DNAH8: variants seen among roughly 807,000 people sequenced by gnomAD.
DNAH8 encodes axonemal beta dynein heavy chain 8.
DNAH8 carries 382 observed loss-of-function variants against 562.1 expected under a neutral mutation model. That is an observed-to-expected ratio of 0.68 (90% CI 0.63 to 0.74). The LOEUF (loss-of-function observed/expected upper bound fraction) is 0.74. Ranked by LOEUF, DNAH8 falls within the 30% of genes least tolerant of loss-of-function variation. DNAH8 has a pLI of 0.00. For missense variants in DNAH8, 5,203 were observed against 5,620.4 expected, an observed-to-expected ratio of 0.93 and a Z score of 2.37; for synonymous variants, 1,881 against 1,919.4, an observed-to-expected ratio of 0.98 and a Z score of 0.52.
chr6:38,792,240 A>C (rs1769827803), intron 21 of DNAH8, among the ~76,000 whole-genome samples: 1 of 152,130 alleles, frequency 6.6e-6, no homozygotes, highest in Non-Finnish European at 1.5e-5. Context: ...GGCCTGTACC[A>C]GCACACCCGG....
chr6:38,822,928 T>C lies in DNAH8; in HGVS notation c.3614T>C (p.Leu1205Pro). 6.2e-7 allele frequency: 1 copy of C among 1,613,744 alleles called. No homozygotes were observed. Among genetic ancestry groups the C allele is most frequent in the Non-Finnish European group, 8.5e-7 (1 of 1,179,870 alleles). Residue 1205 changes from leucine (L) to proline (P), a missense_variant, in exon 27 of 93, where the codon CTC becomes CCC. Coordinates refer to ENST00000327475, the MANE Select transcript of DNAH8 (RefSeq NM_001206927.2). ...AAGGATATTTCTAAGTTGGTCCTGCTCCTTTCTTCCTCTGTAAATTCCCTA... is the reference window on the plus strand; with the variant it reads ...AAGGATATTTCTAAGTTGGTCCTGCCCCTTTCTTCCTCTGTAAATTCCCTA... ...EHKDISKLVLLLSSSVNSLRK... is the reference protein window; with the variant it reads ...EHKDISKLVLPLSSSVNSLRK...
intron 57 of DNAH8, among the ~76,000 whole-genome samples, chr6:38,887,897 C>T (rs551602582): frequency 4.4e-4 from 56 of 126,722 alleles, no homozygotes; most frequent in Middle Eastern, 7.0e-3. Context: ...AGTGCAGTGG[C>T]GCGATCTCAG....
At chr6:38,847,629 A>C (rs1410993878) in intron 36 of DNAH8, among the ~76,000 whole-genome samples, 1 of 152,062 alleles carries the variant, frequency 6.6e-6, no homozygotes, top group Non-Finnish European at 1.5e-5. Context: ...CCGTACCCAG[A>C]AAAAACCCCA....
chr6:38,883,286 G>A (rs2150467274), intron 54 of DNAH8, 36 bp from the exon 55 acceptor site: 4 of 1,566,468 alleles, frequency 2.6e-6, no homozygotes, highest in East Asian at 4.6e-5. Context: ...TAAATAAGTT[G>A]TAACACATTT....
chr6:38,920,925 C>G (rs980518872), intron 70 of DNAH8, among the ~76,000 whole-genome samples: 1 of 152,168 alleles, frequency 6.6e-6, no homozygotes, highest in Admixed American at 6.5e-5. Context: ...GGGTCTCACT[C>G]TGTCGCCCAG....
chr6:38,957,061 A>G (rs1184875347), intron 82 of DNAH8, among the ~76,000 whole-genome samples: 3 of 152,328 alleles, frequency 2.0e-5, no homozygotes, highest in Middle Eastern at 3.4e-3. Flanking sequence ...ACCTGGAAGG[A>G]TACACACAGA....
In DNAH8 at chr6:38,783,003, G is replaced by A. The variant is rs1175745110; in HGVS notation, c.2260-1G>A. 1.2e-6 allele frequency: 2 copies of A among 1,609,604 alleles called. No homozygotes were observed. On this transcript the variant is annotated splice_acceptor_variant, in intron 16 of 92. Transcript: ENST00000327475. LOFTEE classifies it high-confidence loss of function. ...GTAAATCTTTTCCCTTAAAAAAACA[G>A]AAAAACTCAGACATTTTATCAAGTC...
At chr6:38,717,574 T>C (rs1762435090) in intron 1 of DNAH8, among the ~76,000 whole-genome samples, 6 of 151,638 alleles carry the variant, frequency 4.0e-5, no homozygotes, top group Admixed American at 3.9e-4. Flanking sequence ...CAGGAGTTTG[T>C]ATGTTACAGT....
chr6:38,949,824 C>T (rs112590671), intron 81 of DNAH8, among the ~76,000 whole-genome samples: 106 of 152,072 alleles, frequency 7.0e-4, no homozygotes, highest in African/African-American at 2.2e-3. Context: ...ATTTTGACAA[C>T]GTATTAATGA....
intron 62 of DNAH8, among the ~76,000 whole-genome samples, chr6:38,905,516 A>C (rs1298582728): frequency 6.6e-6 from 1 of 152,170 alleles, no homozygotes; most frequent in Admixed American, 6.5e-5. Context: ...ACAATTTATG[A>C]CTAATTTTAT....
chr6:38,983,673 T>G (rs1764181354), intron 86 of DNAH8, among the ~76,000 whole-genome samples: 1 of 152,230 alleles, frequency 6.6e-6, no homozygotes, highest in Non-Finnish European at 1.5e-5. Context: ...AAAATTGCTA[T>G]AGAAATTAAT....
chr6:38,934,454 C>A (rs138858289), intron 76 of DNAH8, among the ~76,000 whole-genome samples: 10 of 152,104 alleles, frequency 6.6e-5, no homozygotes, highest in African/African-American at 2.4e-4. Context: ...GAAGGCTGTG[C>A]CATGGCTTTT....
At chr6:38,853,494 C>G (rs1477996695) in intron 41 of DNAH8, 147 bp downstream of exon 41, 1 of 827,042 alleles carries the variant, frequency 1.2e-6, no homozygotes, top group Admixed American at 3.1e-5. Context: ...TTAGCCTCAG[C>G]TCCCAACCAC....
intron 38 of DNAH8, 61 bp downstream of exon 38, chr6:38,850,475 T>A: frequency 1.4e-6 from 2 of 1,456,508 alleles, no homozygotes; most frequent in Non-Finnish European, 9.5e-7. Flanking sequence ...TATCCCAAAC[T>A]TACTAGTATT....
intron 88 of DNAH8, among the ~76,000 whole-genome samples, chr6:38,996,519 C>G (rs1765142029): frequency 6.6e-6 from 1 of 152,178 alleles, no homozygotes; most frequent in Non-Finnish European, 1.5e-5. Flanking sequence ...CTTCCTACAG[C>G]AGTTAGAATA....
At chr6:38,739,883 G>A (rs185082415) in intron 7 of DNAH8, among the ~76,000 whole-genome samples, 91 of 152,210 alleles carry the variant, frequency 6.0e-4, no homozygotes, top group African/African-American at 1.9e-3. Context: ...GGAATTGTGC[G>A]TGTGTGTATG....
At position 38,783,110 on chromosome 6, in the gene DNAH8, G is replaced by C; in HGVS notation, c.2366G>C (p.Trp789Ser). 1 of 1,613,924 alleles carries C rather than the reference G, an allele frequency of 6.2e-7. No homozygotes were observed. Among genetic ancestry groups the C allele is most frequent in the Non-Finnish European group, 8.5e-7 (1 of 1,179,880 alleles). The part of the protein sequence containing the change: ...VEFEVVYHTA[W>S]IREISQLHYA... ...TTCGAGGTGGTCTATCACACAGCCT[G>C]GATCAGAGAGATTTCACAGTTGCAT... Residue 789 changes from tryptophan (W) to serine (S), a missense_variant, in exon 17 of 93, where the codon TGG (tryptophan) becomes TCG (serine). Physicochemically the swap from Trp to Ser is radical, Grantham distance 177. This residue lies in a region of DNAH8 where 2,176 missense variants were observed against 2,365.1 expected (regional missense o/e 0.92). Transcript: ENST00000327475.
intron 17 of DNAH8, among the ~76,000 whole-genome samples, chr6:38,785,089 G>A (rs528546978): frequency 3.3e-5 from 5 of 152,312 alleles, no homozygotes; most frequent in African/African-American, 1.2e-4. Context: ...CAAACAATAT[G>A]AAGTAGAATT....
At position 38,805,537 on chromosome 6, in the gene DNAH8, T is replaced by C. The variant is rs1771193870; in HGVS notation, c.3091T>C (p.Tyr1031His). The C allele has an allele frequency of 6.2e-7, 1 of 1,610,634 alleles. No individual in the cohort carries two copies. Among genetic ancestry groups the C allele is most frequent in the East Asian group, 2.2e-5 (1 of 44,730 alleles). Residue 1031 changes from tyrosine to histidine, a missense_variant, in exon 23 of 93, where the codon TAT becomes CAT. Physicochemically the swap from Tyr to His is moderately conservative, Grantham distance 83. Transcript: ENST00000327475. ...AACAGGAGAGGGTGAAAACAATGAC[T>C]ATGAAGCTAATATTGTGAATGAGTT... ...SETGEGENND[Y>H]EANIVNEFDT...
Sources: allele counts gnomAD v4.1 joint callset (sites outside exome capture counted in the v4.1 genomes callset), GRCh38; gene constraint gnomAD v4.1.1; regional missense constraint gnomAD v4.1.1; transcripts MANE v1.5; gene names NCBI Gene and HGNC (gene_info 2026-07-23, HGNC 2026-07-21).